The following PCBP3 variants were observed in gnomAD, a reference collection of about 807,000 sequenced individuals.
PCBP3 encodes poly(rC) binding protein 3, also known as poly(rC)-binding protein 3.
PCBP3 carries 25 observed loss-of-function variants against 52.7 expected under a neutral mutation model. The ratio of observed to expected loss-of-function variants is 0.47; its 90% CI spans 0.35 to 0.66. The LOEUF (loss-of-function observed/expected upper bound fraction) is 0.66, where lower values mean the gene tolerates loss of function less well. Ranked by LOEUF, PCBP3 falls within the 30% of genes least tolerant of loss-of-function variation. The pLI, the probability that PCBP3 is intolerant of heterozygous loss-of-function variation, is 0.01. For synonymous variants in PCBP3, 162 were observed against 183.0 expected, an observed-to-expected ratio of 0.89 and a Z score of 0.93; for missense variants, 391 against 490.3, an observed-to-expected ratio of 0.80 and a Z score of 1.91.
chr21:45,938,283 A>C (rs1020122186), intron 16 of PCBP3, among the ~76,000 whole-genome samples: 3 of 152,220 alleles, frequency 2.0e-5, no homozygotes, highest in Non-Finnish European at 4.4e-5. Flanking sequence ...GTTAGGGAGG[A>C]AAGCGGCTGC....
At chr21:45,690,585 T>C (rs2147775297) in intron 2 of PCBP3, among the ~76,000 whole-genome samples, 1 of 152,192 alleles carries the variant, frequency 6.6e-6, no homozygotes, top group African/African-American at 2.4e-5. Flanking sequence ...AAAAGGACTA[T>C]TTCAGAATAT....
intron 1 of PCBP3, among the ~76,000 whole-genome samples, chr21:45,652,065 A>C (rs1603102624): frequency 6.6e-6 from 1 of 152,230 alleles, no homozygotes; most frequent in Non-Finnish European, 1.5e-5. Context: ...CTATCTTTGT[A>C]AATCCTTTTC....
rs969246725 is a variant in PCBP3 at position 45,681,510 on chromosome 21, G to A, written c.-200+12558G>A. 2.6e-5 allele frequency among the ~76,000 whole-genome samples: 4 copies of A among 152,276 alleles called. No homozygotes were observed. In the East Asian group the frequency reaches 7.7e-4, roughly 29 times the overall value. On this transcript the variant is annotated intron_variant, in intron 2 of 17. Coordinates refer to ENST00000681687, the MANE Select transcript of PCBP3 (RefSeq NM_001384156.1). Reference sequence around the variant, plus strand: ...ATTGAAAGTGTCGTAAGTGAAAAATGCAACCTGGTCTTTGGTCAAGGAATC... The same window carrying A: ...ATTGAAAGTGTCGTAAGTGAAAAATACAACCTGGTCTTTGGTCAAGGAATC...
intron 2 of PCBP3, among the ~76,000 whole-genome samples, chr21:45,683,465 G>T (rs1278429446): frequency 6.6e-6 from 1 of 152,122 alleles, no homozygotes; most frequent in Non-Finnish European, 1.5e-5. Flanking sequence ...GACTTTTAGG[G>T]TTATAGGAAG....
At chr21:45,679,650 T>G (rs2081708169) in intron 2 of PCBP3, among the ~76,000 whole-genome samples, 1 of 152,238 alleles carries the variant, frequency 6.6e-6, no homozygotes. Flanking sequence ...TTATCACATT[T>G]GCAAATATGT....
intron 9 of PCBP3, among the ~76,000 whole-genome samples, chr21:45,901,744 A>AGAGACAGAGAGTTGAG (rs1569474835): frequency 1.2e-5 from 1 of 86,760 alleles, no homozygotes. Context: ...GAGAGACAGA[A>AGAGACAGAGAGTTGAG]AGAGAGAGAG....
At chr21:45,910,049 C>A (rs1301166385) in intron 10 of PCBP3, among the ~76,000 whole-genome samples, 3 of 22,590 alleles carry the variant, frequency 1.3e-4, no homozygotes, top group Non-Finnish European at 2.5e-4. Flanking sequence ...ATGGACCCCC[C>A]CCACCACTGC....
chr21:45,760,459 G>C (rs1327330196), intron 4 of PCBP3: 2 of 152,194 alleles, frequency 1.3e-5, no homozygotes, highest in African/African-American at 2.4e-5. Flanking sequence ...AATTGAACAG[G>C]CTTGAGGCAG....
At chr21:45,644,624 C>T (rs1189238664) in intron 1 of PCBP3, among the ~76,000 whole-genome samples, 1 of 152,060 alleles carries the variant, frequency 6.6e-6, no homozygotes, top group Non-Finnish European at 1.5e-5. Context: ...TCTCGTGGCT[C>T]GGGGTTGGTT....
intron 4 of PCBP3, among the ~76,000 whole-genome samples, chr21:45,764,905 AG>A (rs927509261): frequency 5.3e-5 from 8 of 152,116 alleles, no homozygotes; most frequent in African/African-American, 1.9e-4. Flanking sequence ...TGCTCTTGGA[AG>A]GGGGGAGGTC....
chr21:45,662,810 C>A (rs546975994), intron 1 of PCBP3, among the ~76,000 whole-genome samples: 1 of 152,078 alleles, frequency 6.6e-6, no homozygotes, highest in Non-Finnish European at 1.5e-5. Context: ...CTTGGTCTAG[C>A]GGTAATGCCA....
rs7280780 is a variant in PCBP3, at chr21:45,825,538, A to G, written c.-125-24423A>G. Among the ~76,000 whole-genome samples the G allele has an allele frequency of 2.3e-3, 357 of 152,310 alleles. 6 individuals carry two copies. Among genetic ancestry groups the G allele is most frequent in the African/African-American group, 8.0e-3 (332 of 41,566 alleles). On this transcript the variant is annotated intron_variant, in intron 4 of 17. Transcript: ENST00000681687. ...GGGGTCTGCCACTCCTGGCGGCTCA[A>G]CAGGCTCCTCCCTCCCAGTTGGCAG...
intron 4 of PCBP3, among the ~76,000 whole-genome samples, chr21:45,832,947 A>G (rs1219971199): frequency 1.3e-5 from 2 of 152,190 alleles, no homozygotes; most frequent in Non-Finnish European, 2.9e-5. Flanking sequence ...AGAACTCGCT[A>G]TCATGAGAAC....
intron 12 of PCBP3, chr21:45,915,554 G>A (rs977975413): frequency 7.9e-5 from 12 of 152,246 alleles, no homozygotes; most frequent in Admixed American, 2.0e-4. Context: ...CTCCAGGGAA[G>A]AGGGGGTGCA....
At chr21:45,841,244 T>A (rs925366154) in intron 4 of PCBP3, among the ~76,000 whole-genome samples, 1 of 149,950 alleles carries the variant, frequency 6.7e-6, no homozygotes, top group African/African-American at 2.4e-5. Flanking sequence ...GAATCGCGGT[T>A]GTATGTATGT....
Position 45,802,365 on chromosome 21 carries a change from G to T in PCBP3, c.-126+46913G>T, listed in dbSNP as rs1353846178. ...ATGGTCAGGATGCTCTTTCAAGACAGCCCTGATGGCATCACCTCCCTTCAC... is the reference window on the plus strand; with the variant it reads ...ATGGTCAGGATGCTCTTTCAAGACATCCCTGATGGCATCACCTCCCTTCAC... On this transcript the variant is annotated intron_variant, in intron 4 of 17. Coordinates refer to ENST00000681687, the MANE Select transcript of PCBP3 (RefSeq NM_001384156.1). The surrounding 1 kb of genome is among the most constrained non-coding windows in gnomAD (Gnocchi z 5.1). 6.6e-6 allele frequency among the ~76,000 whole-genome samples: 1 copy of T among 152,186 alleles called. No individual in the cohort carries two copies. The highest frequency in any genetic ancestry group is 1.5e-5 in the Non-Finnish European group (1 of 68,036).
chr21:45,761,305 A>C (rs1289916952), intron 4 of PCBP3: 1 of 152,072 alleles, frequency 6.6e-6, no homozygotes, highest in South Asian at 2.1e-4. Context: ...TTTCCGCTCC[A>C]TGGTCATTCC....
At chr21:45,852,383 C>T (rs1485761043) in intron 5 of PCBP3, among the ~76,000 whole-genome samples, 2 of 144,266 alleles carry the variant, frequency 1.4e-5, no homozygotes, top group Non-Finnish European at 3.1e-5. Context: ...GAACACAGCC[C>T]TGTAGCCACC....
At chr21:45,929,477 G>A (rs949043861) in intron 13 of PCBP3, among the ~76,000 whole-genome samples, 2 of 152,242 alleles carry the variant, frequency 1.3e-5, no homozygotes, top group African/African-American at 4.8e-5. Flanking sequence ...GCAAACTCAT[G>A]CCTCTGTGGA....
Sources: gnomAD v4.1 joint callset for allele counts (sites outside exome capture counted in the v4.1 genomes callset) on GRCh38, gnomAD v4.1.1 for gene constraint, Gnocchi (gnomAD v3.1) non-coding constraint, MANE v1.5 for transcripts, NCBI Gene and HGNC (gene_info 2026-07-23, HGNC 2026-07-21) for gene names.